SLCO4C1: variants seen among roughly 807,000 people sequenced by gnomAD.
The protein encoded by SLCO4C1 is organic anion transporter M1.
In SLCO4C1, 58 loss-of-function variants were observed where a neutral mutation model predicts 72.1. The observed-to-expected ratio is 0.80, with a 90% CI of 0.65 to 1.00. The LOEUF is 1.00. Among genes scored for constraint, SLCO4C1 ranks in the 50% least tolerant of loss-of-function variants. The probability of loss-of-function intolerance (pLI) is 0.00; values close to 1 mark genes in which losing one functional copy is unlikely to be tolerated. For missense variants in SLCO4C1, 898 were observed against 857.9 expected (o/e 1.05, Z -0.58); for synonymous variants, 297 against 312.5 (o/e 0.95, Z 0.52).
At chr5:102,290,998 A>C (rs576221081) in intron 2 of SLCO4C1, among the ~76,000 whole-genome samples, 6 of 152,302 alleles carry the variant, frequency 3.9e-5, no homozygotes, top group African/African-American at 1.4e-4. Flanking sequence ...AGAGCTGTAA[A>C]CACAGCAAAT....
intron 10 of SLCO4C1, among the ~76,000 whole-genome samples, chr5:102,243,577 A>G (rs148552236): frequency 8.3e-4 from 126 of 152,236 alleles, no homozygotes; most frequent in African/African-American, 2.7e-3. Flanking sequence ...AAATTAGAAC[A>G]CCCAAGTCCT....
chr5:102,253,901 C>A (rs1375623874), intron 8 of SLCO4C1, among the ~76,000 whole-genome samples: 1 of 151,828 alleles, frequency 6.6e-6, no homozygotes, highest in African/African-American at 2.4e-5. Flanking sequence ...ATATAATATA[C>A]CCAGGTAACA....
chr5:102,246,767 T>C (rs1748642940), intron 10 of SLCO4C1, among the ~76,000 whole-genome samples: 1 of 152,086 alleles, frequency 6.6e-6, no homozygotes, highest in Non-Finnish European at 1.5e-5. Flanking sequence ...TGGAATGTGT[T>C]TGTGCAGTGG....
In SLCO4C1 at chr5:102,260,206, A is replaced by G. The variant is rs766788153; in HGVS notation, c.1128+7T>C. On this transcript the variant is annotated splice_region_variant and intron_variant, in intron 6 of 12. Coordinates refer to ENST00000310954, the MANE Select transcript of SLCO4C1 (RefSeq NM_180991.5). ...TGAGAGAGAGACAGAGAAGAATTTT[A>G]TTTTACCTTTAGAGCAGCTGGAAAA... is the stretch of plus-strand genomic sequence containing the variant. 2 of 1,214,126 alleles carry G rather than the reference A, an allele frequency of 1.6e-6. No homozygotes were observed. The highest frequency in any genetic ancestry group is 2.3e-5 in the South Asian group (1 of 42,570). The allele number at this position is 1,214,126 out of a possible 1,614,324, so 75.2% of individuals were successfully genotyped here.
At position 102,239,244 on chromosome 5, in the gene SLCO4C1, C is replaced by A; in HGVS notation, c.2014+7G>T. On this transcript the variant is annotated splice_region_variant and intron_variant, in intron 12 of 12. Coordinates refer to ENST00000310954, the MANE Select transcript of SLCO4C1 (RefSeq NM_180991.5). ...TACTCTAAAATTATCAAGAAGTCAC[C>A]ACTTACTTATGGCTACTAGCATATG... The A allele has an allele frequency of 6.5e-7, 1 of 1,549,642 alleles. No individual in the cohort carries two copies. The highest frequency in any genetic ancestry group is 1.3e-5 in the South Asian group (1 of 77,848).
At position 102,249,763 on chromosome 5, in the gene SLCO4C1, C is replaced by T; in HGVS notation, c.1495G>A (p.Ala499Thr). The change falls in exon 9 of 13, where the codon GCC becomes ACC. Residue 499 changes from alanine (A) to threonine (T), a missense_variant. Transcript: ENST00000310954. ...NGTGELGNLIAPCNANCNCSR... is the reference protein window; with the variant it reads ...NGTGELGNLITPCNANCNCSR... ...CAGTTACAATTGGCATTACAAGGGG[C>T]TATCAAGTTTCCCAATTCTCCAGTC... is the stretch of plus-strand genomic sequence containing the variant. 6.2e-7 allele frequency: 1 copy of T among 1,613,684 alleles called. No homozygotes were observed. Among genetic ancestry groups the T allele is most frequent in the Non-Finnish European group, 8.5e-7 (1 of 1,179,830 alleles).
chr5:102,242,495 G>A (rs1480546804), intron 10 of SLCO4C1, among the ~76,000 whole-genome samples: 1 of 152,150 alleles, frequency 6.6e-6, no homozygotes, highest in African/African-American at 2.4e-5. Flanking sequence ...CTTGCATCTA[G>A]GATACCAACT....
At chr5:102,283,824 G>GA in intron 2 of SLCO4C1, among the ~76,000 whole-genome samples, 1 of 152,084 alleles carries the variant, frequency 6.6e-6, no homozygotes, top group South Asian at 2.1e-4. Context: ...GGCAATTTGG[G>GA]ATTCTCTGTC....
At chr5:102,242,723 G>A (rs572741436) in intron 10 of SLCO4C1, among the ~76,000 whole-genome samples, 4 of 152,270 alleles carry the variant, frequency 2.6e-5, no homozygotes, top group South Asian at 2.1e-4. Context: ...CATTGAGGGC[G>A]TTGGGTGAGA....
At chr5:102,291,709 T>TA in intron 1 of SLCO4C1, 103 bp from the exon 2 acceptor site, 4 of 991,974 alleles carry the variant, frequency 4.0e-6, no homozygotes, top group Non-Finnish European at 4.1e-6. Flanking sequence ...TTTTTTTTCT[T>TA]AAAATGTACC....
chr5:102,272,681 C>T (rs766732827), intron 2 of SLCO4C1, among the ~76,000 whole-genome samples: 6 of 152,070 alleles, frequency 3.9e-5, no homozygotes, highest in East Asian at 1.9e-4. Flanking sequence ...TGAGGCAGGG[C>T]GTGATGGCTT....
Position 102,235,864 on chromosome 5 carries a change from A to C in SLCO4C1, c.*994T>G, listed in dbSNP as rs1272613550. 1.3e-5 allele frequency: 2 copies of C among 152,260 alleles called. No homozygotes were observed. Among genetic ancestry groups the C allele is most frequent in the Admixed American group, 1.3e-4 (2 of 15,282 alleles). 9.4% of individuals were successfully genotyped at this position (152,260 alleles called of 1,614,324 possible). ...CACAAAAATGGTCCCTGATGCAAAA[A>C]AGGTTGGGGACTGCTGAGTTAAAGG... On this transcript the variant is annotated 3_prime_UTR_variant, in exon 13 of 13. Coordinates refer to ENST00000310954, the MANE Select transcript of SLCO4C1 (RefSeq NM_180991.5).
At chr5:102,282,407 G>C (rs1749374508) in intron 2 of SLCO4C1, among the ~76,000 whole-genome samples, 1 of 151,948 alleles carries the variant, frequency 6.6e-6, no homozygotes, top group Non-Finnish European at 1.5e-5. Context: ...AAGAAAAACA[G>C]TGAATTGAGT....
intron 2 of SLCO4C1, among the ~76,000 whole-genome samples, chr5:102,290,077 T>C (rs950510659): frequency 2.6e-5 from 4 of 152,226 alleles, no homozygotes; most frequent in African/African-American, 7.2e-5. Flanking sequence ...ACAGTTCTAC[T>C]GTACAAGAAC....
At chr5:102,272,409 A>G (rs1749168285) in intron 2 of SLCO4C1, among the ~76,000 whole-genome samples, 1 of 152,160 alleles carries the variant, frequency 6.6e-6, no homozygotes, top group Admixed American at 6.6e-5. Flanking sequence ...CATTTTCATA[A>G]TACAGGTGGT....
At position 102,257,227 on chromosome 5, in the gene SLCO4C1, T is replaced by C. The variant is rs1202828024; in HGVS notation, c.1357A>G (p.Thr453Ala). ...VSKFRMTCKNTMKFALFTSGV... is the reference protein window; with the variant it reads ...VSKFRMTCKNAMKFALFTSGV... ...GATGTGAACAGTGCAAACTTCATTG[T>C]GTTTTTACATGTCATTCTGAATTTT... The change falls in exon 8 of 13, where the codon ACA (threonine) becomes GCA (alanine). Residue 453 changes from threonine (T) to alanine (A), a missense_variant. Transcript: ENST00000310954. 6.2e-7 allele frequency: 1 copy of C among 1,611,456 alleles called. No homozygotes were observed. The highest frequency in any genetic ancestry group is 8.5e-7 in the Non-Finnish European group (1 of 1,179,012).
intron 8 of SLCO4C1, 148 bp downstream of exon 8, chr5:102,256,966 TA>T: frequency 1.8e-6 from 1 of 568,236 alleles, no homozygotes; most frequent in Non-Finnish European, 2.8e-6. Flanking sequence ...TTATCTAAAC[TA>T]AAAACAAAAC....
Position 102,270,783 on chromosome 5 carries a change from T to A in SLCO4C1, c.643A>T (p.Ser215Cys), listed in dbSNP as rs768596567. 3 of 1,600,072 alleles carry A rather than the reference T, an allele frequency of 1.9e-6. No individual in the cohort carries two copies. The East Asian group carries it at 6.8e-5, about 36-fold the overall frequency. ...GAAGTTGAAGATGTACAACTGGTGC[T>A]ATTCCTTGTTGTTACACAAGTGTCT... is the stretch of plus-strand genomic sequence containing the variant. ...FEDTCVTTRN[S>C]TSCTSSTSSL... Residue 215 changes from serine (S) to cysteine (C), a missense_variant, in exon 3 of 13, where the codon AGC becomes TGC. Coordinates refer to ENST00000310954, the MANE Select transcript of SLCO4C1 (RefSeq NM_180991.5).
intron 2 of SLCO4C1, among the ~76,000 whole-genome samples, chr5:102,278,936 G>A (rs1283300282): frequency 6.6e-6 from 1 of 150,532 alleles, no homozygotes; most frequent in African/African-American, 2.4e-5. Context: ...CACCCACCTA[G>A]AGAAAAATAA....
Sources: allele counts gnomAD v4.1 joint callset (sites outside exome capture counted in the v4.1 genomes callset), GRCh38; gene constraint gnomAD v4.1.1; transcripts MANE v1.5; gene names NCBI Gene and HGNC (gene_info 2026-07-23, HGNC 2026-07-21).